GSE1: variants seen among roughly 807,000 people sequenced by gnomAD.
The protein encoded by GSE1 is Gse1 coiled-coil protein, also known as genetic suppressor element 1.
Under a neutral mutation model 112.6 loss-of-function variants are expected in GSE1, and 32 were observed. The ratio of observed to expected loss-of-function variants is 0.28; its 90% confidence interval spans 0.21 to 0.38. GSE1 has a LOEUF of 0.38. Among genes scored for constraint, GSE1 ranks in the 10% least tolerant of loss-of-function variants. The probability of loss-of-function intolerance (pLI) is 1.00; values close to 1 mark genes in which losing one functional copy is unlikely to be tolerated. For missense variants in GSE1, 2,348 were observed against 1,699.2 expected, an observed-to-expected ratio of 1.38 and a Z score of -6.71; for synonymous variants, 1,115 against 735.6, an observed-to-expected ratio of 1.52 and a Z score of -8.35.
Position 85,661,321 on chromosome 16 carries a change from C to T in GSE1, c.1816C>T (p.His606Tyr). 2.5e-6 allele frequency: 4 copies of T among 1,612,626 alleles called. No individual in the cohort carries two copies. The South Asian group carries it at 3.3e-5, about 13-fold the overall frequency. Residue 606 changes from histidine to tyrosine, a missense_variant, in exon 9 of 16, where the codon CAC becomes TAC. By Grantham distance (83) the His-to-Tyr change is moderately conservative (BLOSUM62 2). Transcript: ENST00000253458. ...ETRRAESHSL[H>Y]SHPAAFEPSR... is the part of the protein sequence containing the mutation. ...GCGGCGGGCCGAAAGCCACTCTCTG[C>T]ACAGCCACCCGGCTGCATTTGAGCC...
chr16:85,661,383 G>A lies in GSE1; in HGVS notation c.1878G>A (p.Glu626=), dbSNP rs752400355. ...RQAAVPLVKV[E]RVFCPEKAEE... Reference sequence around the variant, plus strand: ...CAGCCGTGCCGCTGGTGAAGGTGGAGCGGGTCTTCTGCCCGGAGAAAGCAG... The same window carrying A: ...CAGCCGTGCCGCTGGTGAAGGTGGAACGGGTCTTCTGCCCGGAGAAAGCAG... The change falls in exon 9 of 16, where the codon GAG becomes GAA. Residue 626 remains glutamate, a synonymous_variant. Coordinates refer to ENST00000253458, the MANE Select transcript of GSE1 (RefSeq NM_014615.5). The A allele has an allele frequency of 1.2e-6, 2 of 1,612,394 alleles. No individual in the cohort carries two copies. Among genetic ancestry groups the A allele is most frequent in the Admixed American group, 1.7e-5 (1 of 60,016 alleles).
At chr16:85,272,777 CTTTTT>C (rs1204820536) in intron 1 of GSE1, among the ~76,000 whole-genome samples, 5 of 131,412 alleles carry the variant, frequency 3.8e-5, no homozygotes, top group Non-Finnish European at 4.9e-5. Flanking sequence ...CTTCTCTTTT[CTTTTT>C]TTTTTTTTTT....
At chr16:85,469,998 C>G (rs189600435) in intron 2 of GSE1, among the ~76,000 whole-genome samples, 33 of 152,354 alleles carry the variant, frequency 2.2e-4, no homozygotes, top group African/African-American at 7.0e-4. Flanking sequence ...GCTGCTCCCA[C>G]TCACCCCAGG....
intron 1 of GSE1, among the ~76,000 whole-genome samples, chr16:85,177,231 C>T (rs1053631283): frequency 6.6e-6 from 1 of 152,228 alleles, no homozygotes; most frequent in Non-Finnish European, 1.5e-5. Flanking sequence ...CCTGGTTCCT[C>T]CTCTGCTTAG....
At chr16:85,656,807 G>A (rs2151936343) in intron 7 of GSE1, 142 bp downstream of exon 7, 1 of 1,202,876 alleles carries the variant, frequency 8.3e-7, no homozygotes, top group Non-Finnish European at 1.1e-6. Context: ...GGCTGAACAT[G>A]GAGTAGGGAG....
chr16:85,194,008 C>G (rs976954214), intron 1 of GSE1, among the ~76,000 whole-genome samples: 1 of 152,188 alleles, frequency 6.6e-6, no homozygotes, highest in African/African-American at 2.4e-5. Flanking sequence ...TGTGTGTAGC[C>G]TGCTTCATTT....
At chr16:85,600,746 G>A (rs1354243606) in intron 1 of GSE1, among the ~76,000 whole-genome samples, 1 of 152,080 alleles carries the variant, frequency 6.6e-6, no homozygotes, top group African/African-American at 2.4e-5. Context: ...TTGTCAACTG[G>A]GGAAAGGCAC....
intron 1 of GSE1, among the ~76,000 whole-genome samples, chr16:85,220,979 C>T: frequency 6.9e-6 from 1 of 144,936 alleles, no homozygotes; most frequent in Non-Finnish European, 1.5e-5. Flanking sequence ...CCCTCCCTGG[C>T]CCAGCAAGGC....
chr16:85,654,554 C>T (rs1275664338), intron 4 of GSE1, 104 bp downstream of exon 4: 2 of 1,031,540 alleles, frequency 1.9e-6, no homozygotes, highest in Non-Finnish European at 2.9e-6. Flanking sequence ...GAGGCTGTGC[C>T]TGCTAGATGG....
chr16:85,321,601 A>G (rs1040426892), intron 1 of GSE1, among the ~76,000 whole-genome samples: 1 of 151,948 alleles, frequency 6.6e-6, no homozygotes, highest in Non-Finnish European at 1.5e-5. Context: ...ATGCTGCTAC[A>G]CTCCAGCCTG....
At chr16:85,351,450 T>G (rs537530952) in intron 1 of GSE1, among the ~76,000 whole-genome samples, 1 of 152,186 alleles carries the variant, frequency 6.6e-6, no homozygotes, top group Non-Finnish European at 1.5e-5. Flanking sequence ...GACATTTGTA[T>G]GAAACGTCTA....
intron 1 of GSE1, among the ~76,000 whole-genome samples, chr16:85,279,756 G>T (rs1170223501): frequency 6.6e-6 from 1 of 152,158 alleles, no homozygotes; most frequent in African/African-American, 2.4e-5. Flanking sequence ...ATGGGAGGCG[G>T]TGTTTTCTCA....
At chr16:85,590,332 G>A (rs1351841788) in intron 1 of GSE1, among the ~76,000 whole-genome samples, 1 of 149,198 alleles carries the variant, frequency 6.7e-6, no homozygotes, top group Non-Finnish European at 1.5e-5. Context: ...ATGTGAGTGT[G>A]TGTGATTAAC....
chr16:85,177,014 C>T (rs1032056470), intron 1 of GSE1, among the ~76,000 whole-genome samples: 2 of 152,248 alleles, frequency 1.3e-5, no homozygotes, highest in African/African-American at 4.8e-5. Flanking sequence ...TACTGGCACC[C>T]TCTCCTTGGC....
At chr16:85,369,053 TC>T (rs2047242282) in intron 2 of GSE1, among the ~76,000 whole-genome samples, 1 of 152,164 alleles carries the variant, frequency 6.6e-6, no homozygotes, top group South Asian at 2.1e-4. Flanking sequence ...AAAAGCTTGT[TC>T]CCTTACAGTT....
chr16:85,200,724 A>T (rs73260365), intron 1 of GSE1, among the ~76,000 whole-genome samples: 11,659 of 152,190 alleles, frequency 0.077, 1,170 homozygotes, highest in African/African-American at 0.24. Flanking sequence ...AACCTCAACA[A>T]TTTTTGTCGT....
chr16:85,627,859 C>G (rs933931433), intron 1 of GSE1, among the ~76,000 whole-genome samples: 2 of 152,234 alleles, frequency 1.3e-5, no homozygotes, highest in Admixed American at 6.5e-5. Flanking sequence ...CCCAGGGCCT[C>G]CCTCTCCCCG....
intron 1 of GSE1, among the ~76,000 whole-genome samples, chr16:85,207,205 G>T (rs1346682204): frequency 3.9e-5 from 6 of 152,304 alleles, no homozygotes; most frequent in African/African-American, 1.2e-4. Flanking sequence ...GTCCTCCCAA[G>T]GGCACTGCTC....
At chr16:85,494,372 TG>T (rs2051104085) in intron 2 of GSE1, among the ~76,000 whole-genome samples, 1 of 152,162 alleles carries the variant, frequency 6.6e-6, no homozygotes, top group Non-Finnish European at 1.5e-5. Context: ...ATGTTGGACT[TG>T]GGGCCCACCC....
Sources: allele counts gnomAD v4.1 joint callset (sites outside exome capture counted in the v4.1 genomes callset), GRCh38; gene constraint gnomAD v4.1.1; transcripts MANE v1.5; gene names NCBI Gene and HGNC (gene_info 2026-07-23, HGNC 2026-07-21).